The following MED12L variants were observed in gnomAD, a reference collection of about 807,000 sequenced individuals.
MED12L encodes mediator of RNA polymerase II transcription subunit 12-like protein.
A neutral mutation model predicts 281.3 loss-of-function variants in MED12L; 60 were observed. That is an observed-to-expected ratio of 0.21 (90% CI 0.17 to 0.26). MED12L has a LOEUF of 0.26. Ranked by LOEUF, MED12L falls within the 10% of genes least tolerant of loss-of-function variation. The pLI, the probability that MED12L is intolerant of heterozygous loss-of-function variation, is 1.00. For missense variants in MED12L, 2,146 were observed against 2,680.9 expected, an observed-to-expected ratio of 0.80 and a Z score of 4.41; for synonymous variants, 974 against 987.2, an observed-to-expected ratio of 0.99 and a Z score of 0.25.
intron 13 of MED12L, among the ~76,000 whole-genome samples, chr3:151,189,175 A>C (rs1723644971): frequency 6.6e-6 from 1 of 152,206 alleles, no homozygotes; most frequent in Non-Finnish European, 1.5e-5. Context: ...GGGGAGGAGG[A>C]AGATGCTTGT....
intron 26 of MED12L, 51 bp downstream of exon 26, chr3:151,369,600 C>A: frequency 2.5e-6 from 3 of 1,184,516 alleles, no homozygotes; most frequent in Non-Finnish European, 3.7e-6. Flanking sequence ...GAAATGAAGG[C>A]AAAATAATTT....
chr3:151,254,577 C>T (rs562247138), intron 16 of MED12L, among the ~76,000 whole-genome samples: 1 of 152,308 alleles, frequency 6.6e-6, no homozygotes, highest in Admixed American at 6.5e-5. Flanking sequence ...CTTATTTAAT[C>T]TAGTTCTTAG....
At position 151,390,018 on chromosome 3, in the gene MED12L, T is replaced by C; in HGVS notation, c.5491T>C (p.Tyr1831His). The change falls in exon 38 of 45, where the codon TAC (tyrosine) becomes CAC (histidine). Residue 1831 changes from tyrosine (Y) to histidine (H), a missense_variant. Around this residue, in one of 9 missense-constraint regions of MED12L, gnomAD observed 496 missense variants for 512.0 expected, o/e 0.97. Coordinates refer to ENST00000687756, the MANE Select transcript of MED12L (RefSeq NM_001393769.1). ...QSNIYRVPPN[Y>H]SPISSQMMHH... Reference sequence around the variant, plus strand: ...CAACATATACCGAGTGCCTCCTAATTACTCGCCTATCTCCTCCCAAATGAT... The same window carrying C: ...CAACATATACCGAGTGCCTCCTAATCACTCGCCTATCTCCTCCCAAATGAT... The C allele has an allele frequency of 6.2e-7, 1 of 1,614,154 alleles. No homozygotes were observed. The highest frequency in any genetic ancestry group is 8.5e-7 in the Non-Finnish European group (1 of 1,179,972).
intron 16 of MED12L, among the ~76,000 whole-genome samples, chr3:151,319,459 G>A (rs532317467): frequency 1.3e-4 from 12 of 92,310 alleles, no homozygotes; most frequent in African/African-American, 5.2e-4. Context: ...AGGTGTGTGT[G>A]TGTGTGTGCG....
At chr3:151,259,690 A>G (rs1338270655) in intron 16 of MED12L, among the ~76,000 whole-genome samples, 1 of 152,168 alleles carries the variant, frequency 6.6e-6, no homozygotes, top group African/African-American at 2.4e-5. Flanking sequence ...CTATGTGCAA[A>G]TTTATTGAGC....
intron 25 of MED12L, among the ~76,000 whole-genome samples, chr3:151,368,769 T>TC (rs1396573208): frequency 7.0e-6 from 1 of 143,774 alleles, no homozygotes; most frequent in Non-Finnish European, 1.5e-5. Flanking sequence ...CATTTTTTTT[T>TC]TTTTTTTTCC....
intron 4 of MED12L, 31 bp downstream of exon 4, chr3:151,123,005 A>G (rs1309188068): frequency 2.0e-6 from 3 of 1,517,346 alleles, no homozygotes; most frequent in African/African-American, 1.4e-5. Flanking sequence ...TGTTTTAGTT[A>G]TGGTCTTATA....
At chr3:151,304,623 C>T (rs1254063959) in intron 16 of MED12L, among the ~76,000 whole-genome samples, 2 of 151,444 alleles carry the variant, frequency 1.3e-5, no homozygotes, top group African/African-American at 2.4e-5. Context: ...CTGCCTTGAC[C>T]TCTAGCCAAG....
At chr3:151,164,519 A>G (rs1720429893) in intron 9 of MED12L, among the ~76,000 whole-genome samples, 1 of 152,190 alleles carries the variant, frequency 6.6e-6, no homozygotes, top group South Asian at 2.1e-4. Context: ...AAAGGATTAT[A>G]AATCATGCTT....
chr3:151,418,698 A>G (rs1278617528), intron 43 of MED12L, among the ~76,000 whole-genome samples: 1 of 152,144 alleles, frequency 6.6e-6, no homozygotes, highest in Non-Finnish European at 1.5e-5. Flanking sequence ...CCCACTGTGA[A>G]CTTATTATTT....
At chr3:151,266,148 G>A (rs62282989) in intron 16 of MED12L, among the ~76,000 whole-genome samples, 11,668 of 152,102 alleles carry the variant, frequency 0.077, 842 homozygotes, top group East Asian at 0.33. Context: ...ACGTTGTTAC[G>A]GCAACTTTAT....
At chr3:151,432,640 TTC>T (rs1719665376) in intron 44 of MED12L, 110 bp from the exon 45 acceptor site, 1 of 777,442 alleles carries the variant, frequency 1.3e-6, no homozygotes, top group Non-Finnish European at 2.2e-6. Context: ...TCTCCGGCCA[TTC>T]TGTTTCCCTG....
chr3:151,187,880 A>G (rs905886394), intron 12 of MED12L, among the ~76,000 whole-genome samples: 9 of 152,260 alleles, frequency 5.9e-5, no homozygotes, highest in Admixed American at 5.9e-4. Flanking sequence ...ACAGTTAAAC[A>G]TGAACTATTT....
chr3:151,097,691 T>C (rs745971875), intron 2 of MED12L, among the ~76,000 whole-genome samples: 11 of 152,162 alleles, frequency 7.2e-5, no homozygotes, highest in Non-Finnish European at 1.5e-4. Context: ...ACATTTTGGG[T>C]TGCCACAACT....
At chr3:151,287,007 A>T (rs1743597288) in intron 16 of MED12L, among the ~76,000 whole-genome samples, 1 of 152,130 alleles carries the variant, frequency 6.6e-6, no homozygotes, top group Non-Finnish European at 1.5e-5. Context: ...CTTCATCTCT[A>T]ATTAGGGGCA....
At chr3:151,247,156 C>G (rs1735733547) in intron 16 of MED12L, among the ~76,000 whole-genome samples, 1 of 152,068 alleles carries the variant, frequency 6.6e-6, no homozygotes, top group South Asian at 2.1e-4. Flanking sequence ...CACTTTTACA[C>G]TGTTGGTGGG....
At position 151,320,518 on chromosome 3, in the gene MED12L, ATAGTCAGTCCTTTGACAAGATTGG is replaced by A. The variant is rs558411133; in HGVS notation, c.2251-29538_2251-29515del. ...GAGTATAATTATTATAAGCCCTTTA[ATAGTCAGTCCTTTGACAAGATTGG>A]TATCATTGGGTCCCTATGCTTGAAT... On this transcript the variant is annotated intron_variant, in intron 16 of 44. Transcript: ENST00000687756. Among the ~76,000 whole-genome samples, 81 of 152,350 alleles carry A rather than the reference ATAGTCAGTCCTTTGACAAGATTGG, an allele frequency of 5.3e-4. 2 individuals carry two copies. The South Asian group carries it at 0.011, about 20-fold the overall frequency.
intron 16 of MED12L, among the ~76,000 whole-genome samples, chr3:151,344,010 C>G (rs980622683): frequency 1.3e-5 from 2 of 152,090 alleles, no homozygotes; most frequent in Admixed American, 6.6e-5. Context: ...GCTAGCTTGG[C>G]TTTATCCATT....
chr3:151,281,996 G>A (rs1742879863), intron 16 of MED12L, among the ~76,000 whole-genome samples: 1 of 152,076 alleles, frequency 6.6e-6, no homozygotes, highest in Non-Finnish European at 1.5e-5. Flanking sequence ...GTCCTATTTT[G>A]CTCCTTACCC....
Sources: allele counts gnomAD v4.1 joint callset (sites outside exome capture counted in the v4.1 genomes callset), GRCh38; gene constraint gnomAD v4.1.1; regional missense constraint gnomAD v4.1.1; transcripts MANE v1.5; gene names NCBI Gene and HGNC (gene_info 2026-07-23, HGNC 2026-07-21).